Variants in LRRC4C observed in about 807,000 individuals in gnomAD.
LRRC4C encodes leucine rich repeat containing 4C, also known as leucine-rich repeat-containing protein 4C.
LRRC4C carries 5 observed loss-of-function variants against 33.6 expected under a neutral mutation model. The observed-to-expected ratio is 0.15, with a 90% CI of 0.08 to 0.31. LRRC4C has a LOEUF of 0.31. Among genes scored for constraint, LRRC4C ranks in the 10% least tolerant of loss-of-function variants. The probability of loss-of-function intolerance (pLI) is 1.00; values close to 1 mark genes in which losing one functional copy is unlikely to be tolerated. For missense variants in LRRC4C, 560 were observed against 796.7 expected (o/e 0.70, Z 3.58); for synonymous variants, 329 against 302.0 (o/e 1.09, Z -0.93).
chr11:40,214,807 A>C (rs1001569003), intron 5 of LRRC4C, among the ~76,000 whole-genome samples: 3 of 152,188 alleles, frequency 2.0e-5, no homozygotes, highest in Non-Finnish European at 4.4e-5. Flanking sequence ...TGGCCCAGGC[A>C]GACTAATTCA....
At chr11:40,719,062 A>G (rs573016439) in intron 2 of LRRC4C, among the ~76,000 whole-genome samples, 18 of 152,310 alleles carry the variant, frequency 1.2e-4, no homozygotes, top group African/African-American at 3.6e-4. Context: ...ACAGAAGCCA[A>G]CAAAAGAAAT....
intron 2 of LRRC4C, among the ~76,000 whole-genome samples, chr11:40,722,972 C>T (rs1308299270): frequency 6.6e-6 from 1 of 152,194 alleles, no homozygotes; most frequent in Middle Eastern, 3.4e-3. Context: ...GAAGCCTTAA[C>T]AACAGATGAG....
At chr11:40,795,748 A>G (rs1950799956) in intron 2 of LRRC4C, among the ~76,000 whole-genome samples, 1 of 152,142 alleles carries the variant, frequency 6.6e-6, no homozygotes, top group African/African-American at 2.4e-5. Flanking sequence ...ACGAAATATA[A>G]TTGTCAAAAA....
chr11:40,914,593 A>G (rs1666755492), intron 2 of LRRC4C, among the ~76,000 whole-genome samples: 1 of 152,230 alleles, frequency 6.6e-6, no homozygotes. Flanking sequence ...CCAATATCAT[A>G]CTGAATGGGC....
chr11:40,117,431 A>C (rs1855514384), intron 6 of LRRC4C, among the ~76,000 whole-genome samples: 1 of 152,194 alleles, frequency 6.6e-6, no homozygotes, highest in African/African-American at 2.4e-5. Flanking sequence ...ATGAAGCATA[A>C]TTTTTATTTA....
intron 1 of LRRC4C, among the ~76,000 whole-genome samples, chr11:41,006,819 A>G (rs1027769135): frequency 6.6e-6 from 1 of 152,302 alleles, no homozygotes; most frequent in East Asian, 1.9e-4. Context: ...AACCTACCTA[A>G]CATGCACAAA....
intron 3 of LRRC4C, among the ~76,000 whole-genome samples, chr11:40,552,748 C>T (rs1467121652): frequency 6.6e-6 from 1 of 152,128 alleles, no homozygotes; most frequent in African/African-American, 2.4e-5. Flanking sequence ...CAAACTTATG[C>T]TGATTTTAAT....
At chr11:40,233,069 A>T (rs144385836) in intron 5 of LRRC4C, among the ~76,000 whole-genome samples, 19 of 152,320 alleles carry the variant, frequency 1.2e-4, no homozygotes, top group Admixed American at 1.0e-3. Context: ...CTTTAGCTAC[A>T]CTAGACTTTT....
chr11:40,473,389 A>T (rs1244841393), intron 3 of LRRC4C, among the ~76,000 whole-genome samples: 1 of 152,224 alleles, frequency 6.6e-6, no homozygotes, highest in Non-Finnish European at 1.5e-5. Context: ...AAGGCCTTCC[A>T]TAAAATTAAA....
chr11:40,691,401 C>A lies in LRRC4C; in HGVS notation c.-406-43123G>T, dbSNP rs796248376. Among the ~76,000 whole-genome samples, 64 of 152,072 alleles carry A rather than the reference C, an allele frequency of 4.2e-4. 1 individual carries two copies. Among genetic ancestry groups the A allele is most frequent in the African/African-American group, 1.5e-3 (63 of 41,510 alleles). On this transcript the variant is annotated intron_variant, in intron 2 of 6. Coordinates refer to ENST00000528697, the MANE Select transcript of LRRC4C (RefSeq NM_001258419.2). ...TTCATCACAAGAACTTTAACAGGAC[C>A]AGGAGATGGGAATCAGCATATGTTC...
chr11:41,232,081 C>T (rs1947827490), intron 1 of LRRC4C, among the ~76,000 whole-genome samples: 1 of 151,914 alleles, frequency 6.6e-6, no homozygotes, highest in Admixed American at 6.6e-5. Flanking sequence ...TATTGCCTCT[C>T]CCTGGAATGA....
intron 2 of LRRC4C, among the ~76,000 whole-genome samples, chr11:40,650,455 TA>T (rs1307404172): frequency 6.6e-6 from 1 of 152,224 alleles, no homozygotes; most frequent in Non-Finnish European, 1.5e-5. Flanking sequence ...CTTTTATGTA[TA>T]TGCTGTTTCC....
At chr11:40,599,587 T>A (rs886728013) in intron 3 of LRRC4C, among the ~76,000 whole-genome samples, 1 of 152,170 alleles carries the variant, frequency 6.6e-6, no homozygotes, top group African/African-American at 2.4e-5. Flanking sequence ...TGGTTTGTTT[T>A]TCATCATCTG....
intron 1 of LRRC4C, among the ~76,000 whole-genome samples, chr11:40,950,728 A>C (rs1389727832): frequency 6.6e-6 from 1 of 152,072 alleles, no homozygotes; most frequent in Non-Finnish European, 1.5e-5. Flanking sequence ...CCCATACCCA[A>C]GTAAGTTTAT....
At chr11:41,288,445 G>A (rs1201975495) in intron 1 of LRRC4C, among the ~76,000 whole-genome samples, 1 of 152,172 alleles carries the variant, frequency 6.6e-6, no homozygotes, top group Non-Finnish European at 1.5e-5. Flanking sequence ...TCAAGGTAGA[G>A]AATTGGAAGT....
chr11:40,684,992 TTA>T (rs751928042), intron 2 of LRRC4C, among the ~76,000 whole-genome samples: 61 of 152,134 alleles, frequency 4.0e-4, no homozygotes, highest in Non-Finnish European at 8.1e-4. Context: ...AATACACTCA[TTA>T]GAAAAATATG....
intron 2 of LRRC4C, among the ~76,000 whole-genome samples, chr11:40,890,614 G>T (rs1265525020): frequency 6.6e-6 from 1 of 152,144 alleles, no homozygotes; most frequent in East Asian, 1.9e-4. Context: ...TTTTAGAATG[G>T]TGTTTGTCAT....
At chr11:40,672,453 T>C (rs1944176734) in intron 2 of LRRC4C, among the ~76,000 whole-genome samples, 1 of 152,216 alleles carries the variant, frequency 6.6e-6, no homozygotes, top group South Asian at 2.1e-4. Flanking sequence ...AGAAAGTTAA[T>C]AACAGCTAGT....
At chr11:40,606,279 A>G (rs534967131) in intron 3 of LRRC4C, among the ~76,000 whole-genome samples, 1 of 152,284 alleles carries the variant, frequency 6.6e-6, no homozygotes, top group East Asian at 1.9e-4. Context: ...GACAGATACC[A>G]AAAGGAGCAA....
Sources: allele counts gnomAD v4.1 joint callset (sites outside exome capture counted in the v4.1 genomes callset), GRCh38; gene constraint gnomAD v4.1.1; transcripts MANE v1.5; gene names NCBI Gene and HGNC (gene_info 2026-07-23, HGNC 2026-07-21).